Variants in VSIR observed in about 807,000 individuals in gnomAD.
VSIR encodes V-type immunoglobulin domain-containing suppressor of T-cell activation.
Under a neutral mutation model 31.0 loss-of-function variants are expected in VSIR, and 10 were observed. The ratio of observed to expected loss-of-function variants is 0.32; its 90% CI spans 0.20 to 0.55. The LOEUF (loss-of-function observed/expected upper bound fraction) is 0.55, where lower values mean the gene tolerates loss of function less well. Among genes scored for constraint, VSIR ranks in the 20% least tolerant of loss-of-function variants. The pLI, the probability that VSIR is intolerant of heterozygous loss-of-function variation, is 0.93. For synonymous variants in VSIR, 179 were observed against 180.1 expected, an observed-to-expected ratio of 0.99 and a Z score of 0.05; for missense variants, 356 against 416.2, an observed-to-expected ratio of 0.86 and a Z score of 1.26.
In VSIR at chr10:71,751,244, C is replaced by A; in HGVS notation, c.*9G>T. 6.2e-7 allele frequency: 1 copy of A among 1,607,086 alleles called. No homozygotes were observed. Among genetic ancestry groups the A allele is most frequent in the East Asian group, 2.2e-5 (1 of 44,698 alleles). ...CCCAGCCACAACAGCCCACTGTCCC[C>A]CAGCTGGGCTAGATGACCTCAAAGT... On this transcript the variant is annotated 3_prime_UTR_variant, in exon 7 of 7. Transcript: ENST00000394957. The surrounding 1 kb of genome is among the most constrained non-coding windows in gnomAD (Gnocchi z 4.9).
rs200528132 is a variant in VSIR at position 71,760,179 on chromosome 10, G to A, written c.568+689C>T. On this transcript the variant is annotated intron_variant, in intron 3 of 6. Transcript: ENST00000394957. ...TATATATGTATATACATATATATGT[G>A]TGTATATATATGTATATACATATAT... Among the ~76,000 whole-genome samples the A allele has an allele frequency of 2.6e-3, 78 of 30,462 alleles. 10 individuals are homozygous for A. The highest frequency in any genetic ancestry group is 0.011 in the East Asian group (11 of 1,004). The allele number at this position is 30,462 out of a possible 152,430, so 20.0% of individuals were successfully genotyped here.
At chr10:71,759,996 C>CAT (rs201795625) in intron 3 of VSIR, among the ~76,000 whole-genome samples, 8,045 of 38,102 alleles carry the variant, frequency 0.21, 1,841 homozygotes, top group Middle Eastern at 0.29. Flanking sequence ...TATACACACA[C>CAT]ACATACATAT....
At position 71,751,736 on chromosome 10, in the gene VSIR, T is replaced by C. The variant is rs1452895301; in HGVS notation, c.830A>G (p.His277Arg). ...AQRQPSESGR[H>R]LLSEPSTPLS... ...GGGGGTGCTGGGCTCCGAAAGCAGA[T>C]GCCGCCCAGACTCAGAAGGCTGCCG... Residue 277 changes from histidine (H) to arginine (R), a missense_variant, in exon 6 of 7, where the codon CAT becomes CGT. His to Arg is a conservative substitution (Grantham distance 29). Coordinates refer to ENST00000394957, the MANE Select transcript of VSIR (RefSeq NM_022153.2). The surrounding 1 kb of genome is among the most constrained non-coding windows in gnomAD (Gnocchi z 4.9). 2 of 1,594,244 alleles carry C rather than the reference T, an allele frequency of 1.3e-6. No homozygotes were observed. The highest frequency in any genetic ancestry group is 1.1e-5 in the South Asian group (1 of 88,962).
Position 71,748,137 on chromosome 10 carries a change from C to T in VSIR, c.*3116G>A, listed in dbSNP as rs1839899660. 6.6e-6 allele frequency: 1 copy of T among 151,218 alleles called. No individual in the cohort carries two copies. Among genetic ancestry groups the T allele is most frequent in the Admixed American group, 6.6e-5 (1 of 15,240 alleles). The allele number at this position is 151,218 out of a possible 1,614,324, so 9.4% of individuals were successfully genotyped here. On this transcript the variant is annotated 3_prime_UTR_variant, in exon 7 of 7. Coordinates refer to ENST00000394957, the MANE Select transcript of VSIR (RefSeq NM_022153.2). Reference sequence around the variant, plus strand: ...GGAAGGCCTCATTCATGAGGCAGGACCCCAGGGGCCAAGTTGGTGCTCGGT... The same window carrying T: ...GGAAGGCCTCATTCATGAGGCAGGATCCCAGGGGCCAAGTTGGTGCTCGGT...
chr10:71,761,521 C>T (rs1218666920), intron 2 of VSIR, 77 bp downstream of exon 2: 1 of 1,429,162 alleles, frequency 7.0e-7, no homozygotes, highest in Admixed American at 2.4e-5. Flanking sequence ...CTGCCCAGCA[C>T]AGTGTCATGA....
At position 71,750,363 on chromosome 10, in the gene VSIR, G is replaced by T. The variant is rs1227093595; in HGVS notation, c.*890C>A. 1 of 151,596 alleles carries T rather than the reference G, an allele frequency of 6.6e-6. No homozygotes were observed. The highest frequency in any genetic ancestry group is 1.5e-5 in the Non-Finnish European group (1 of 67,880). 9.4% of individuals were successfully genotyped at this position (151,596 alleles called of 1,614,324 possible). A position where few individuals can be genotyped will look rare whatever the true frequency, so the allele number is the denominator to read the frequency against. On this transcript the variant is annotated 3_prime_UTR_variant, in exon 7 of 7. Coordinates refer to ENST00000394957, the MANE Select transcript of VSIR (RefSeq NM_022153.2). ...TTAATAGCATCCCGCTTCATACTCAGAAGTGTCCCAGGGTGGACAAGACAT... is the reference window on the plus strand; with the variant it reads ...TTAATAGCATCCCGCTTCATACTCATAAGTGTCCCAGGGTGGACAAGACAT...
At chr10:71,764,002 G>T (rs1053090250) in intron 1 of VSIR, among the ~76,000 whole-genome samples, 1 of 152,206 alleles carries the variant, frequency 6.6e-6, no homozygotes, top group African/African-American at 2.4e-5. Flanking sequence ...AAGTCTGGGA[G>T]CCCCAGATTT....
intron 1 of VSIR, among the ~76,000 whole-genome samples, chr10:71,766,550 C>T (rs954910948): frequency 7.2e-5 from 11 of 152,216 alleles, no homozygotes; most frequent in South Asian, 4.1e-4. Context: ...TCTGAGCCTC[C>T]GTTTCTTCAT....
chr10:71,755,170 C>A, intron 4 of VSIR, 189 bp downstream of exon 4: 2 of 686,692 alleles, frequency 2.9e-6, no homozygotes, highest in Non-Finnish European at 5.2e-6. Context: ...ACTTGGCCCC[C>A]GGAAATGGCA....
rs376879828 is a variant in VSIR at position 71,752,984 on chromosome 10, C to T, written c.695G>A (p.Arg232Gln). The change falls in exon 5 of 7, where the codon CGG (arginine) becomes CAG (glutamine). Residue 232 changes from arginine (R) to glutamine (Q), a missense_variant. Arg to Gln is a conservative substitution (Grantham distance 43). This residue lies in a region of VSIR where 190 missense variants were observed against 185.2 expected (regional missense o/e 1.03). Coordinates refer to ENST00000394957, the MANE Select transcript of VSIR (RefSeq NM_022153.2). ...TCTCCATGGGCCTTACCTGTCCATC[C>T]GCACCAGCTCCTGGGCACCTAGGGA... ...ASNRRAQELV[R>Q]MDSNIQGIEN... is the part of the protein sequence containing the mutation. 2.4e-5 allele frequency: 38 copies of T among 1,612,908 alleles called. No individual in the cohort carries two copies. Among genetic ancestry groups the T allele is most frequent in the South Asian group, 1.5e-4 (14 of 90,816 alleles).
intron 1 of VSIR, among the ~76,000 whole-genome samples, chr10:71,768,915 C>A (rs1246288955): frequency 6.6e-6 from 1 of 152,204 alleles, no homozygotes; most frequent in Non-Finnish European, 1.5e-5. Context: ...AGCCTCACAA[C>A]TAATAAGTGA....
At chr10:71,773,145 A>G (rs1840725500) in intron 1 of VSIR, among the ~76,000 whole-genome samples, 1 of 152,226 alleles carries the variant, frequency 6.6e-6, no homozygotes, top group South Asian at 2.1e-4. Flanking sequence ...CTGTCAGAGC[A>G]TGCAGATGTG....
At position 71,761,686 on chromosome 10, in the gene VSIR, G is replaced by C; in HGVS notation, c.423C>G (p.Ser141Arg). The C allele has an allele frequency of 6.2e-7, 1 of 1,613,892 alleles. No individual in the cohort carries two copies. The highest frequency in any genetic ancestry group is 1.1e-5 in the South Asian group (1 of 91,074). ...ITMRNLTLLD[S>R]GLYCCLVVEI... ...CCACCACCAGGCAGCAGTAGAGGCC[G>C]CTATCCAGCAGGGTCAGGTTGCGCA... The change falls in exon 2 of 7, where the codon AGC becomes AGG. Residue 141 changes from serine (S) to arginine (R), a missense_variant. Physicochemically the swap from Ser to Arg is moderately radical, Grantham distance 110. Around this residue, in one of 2 missense-constraint regions of VSIR, gnomAD observed 166 missense variants for 231.0 expected, o/e 0.72. Coordinates refer to ENST00000394957, the MANE Select transcript of VSIR (RefSeq NM_022153.2).
intron 1 of VSIR, among the ~76,000 whole-genome samples, chr10:71,769,993 A>G (rs1840650005): frequency 6.6e-6 from 1 of 152,222 alleles, no homozygotes; most frequent in Non-Finnish European, 1.5e-5. Context: ...AGGCACCTCC[A>G]TGGGCATTTC....
At chr10:71,768,967 C>G (rs1049880439) in intron 1 of VSIR, among the ~76,000 whole-genome samples, 1 of 152,196 alleles carries the variant, frequency 6.6e-6, no homozygotes, top group Non-Finnish European at 1.5e-5. Context: ...CTCTGGAGGT[C>G]TGGTGCCATC....
rs116015495 is a variant in VSIR at position 71,758,263 on chromosome 10, C to T, written c.568+2605G>A. 2.9e-3 allele frequency among the ~76,000 whole-genome samples: 443 copies of T among 152,252 alleles called. 5 individuals carry two copies. In the Middle Eastern group the frequency reaches 0.048, roughly 16 times the overall value. On this transcript the variant is annotated intron_variant, in intron 3 of 6. Transcript: ENST00000394957. ...GCCTTTGAGTTGGGTTTTGTTGGGT[C>T]CGTGGTTTAGCTGATCCCCATTCCG...
chr10:71,759,954 T>TATAC (rs1840279520), intron 3 of VSIR, among the ~76,000 whole-genome samples: 1 of 62,466 alleles, frequency 1.6e-5, no homozygotes, highest in Non-Finnish European at 4.1e-5. Flanking sequence ...CACATATATA[T>TATAC]ACACACACAT....
intron 3 of VSIR, 111 bp from the exon 4 acceptor site, chr10:71,755,577 C>T: frequency 1.0e-6 from 1 of 960,288 alleles, no homozygotes; most frequent in Non-Finnish European, 1.6e-6. Context: ...CGCCTTTCCC[C>T]AGAGTCCCAC....
chr10:71,760,945 G>C (rs1223579100), intron 2 of VSIR, 21 bp from the exon 3 acceptor site: 2 of 1,613,140 alleles, frequency 1.2e-6, no homozygotes, highest in East Asian at 4.5e-5. Context: ...AAACAGAAGG[G>C]CCATTAGGTG....
Sources: allele counts gnomAD v4.1 joint callset (sites outside exome capture counted in the v4.1 genomes callset), GRCh38; gene constraint gnomAD v4.1.1; regional missense constraint gnomAD v4.1.1; non-coding constraint Gnocchi (gnomAD v3.1); transcripts MANE v1.5; gene names NCBI Gene and HGNC (gene_info 2026-07-23, HGNC 2026-07-21).